RAB21: variants seen among roughly 807,000 people sequenced by gnomAD.
The protein encoded by RAB21 is ras-related protein Rab-21.
In RAB21, 13 loss-of-function variants were observed where a neutral mutation model predicts 33.1. That is an observed-to-expected ratio of 0.39 (90% CI 0.26 to 0.62). The LOEUF is 0.62. Among genes scored for constraint, RAB21 ranks in the 20% least tolerant of loss-of-function variants. RAB21 has a pLI of 0.48. For synonymous variants in RAB21, 91 were observed against 103.7 expected (o/e 0.88, Z 0.74); for missense variants, 234 against 279.1 (o/e 0.84, Z 1.15).
Position 71,786,130 on chromosome 12 carries a change from T to C in RAB21, c.*457T>C, listed in dbSNP as rs1377402744. The C allele has an allele frequency of 6.5e-6, 1 of 153,488 alleles. No homozygotes were observed. The highest frequency in any genetic ancestry group is 1.5e-5 in the Non-Finnish European group (1 of 68,754). The allele number at this position is 153,488 out of a possible 1,614,324, so 9.5% of individuals were successfully genotyped here. A position where few individuals can be genotyped will look rare whatever the true frequency, so the allele number is the denominator to read the frequency against. On this transcript the variant is annotated 3_prime_UTR_variant, in exon 7 of 7. Coordinates refer to ENST00000261263, the MANE Select transcript of RAB21 (RefSeq NM_014999.4). ...GTTAGCCAGGATGGTCTCGATCTCC[T>C]GACCTTGTGATCCGCCCGCCTCGGC...
intron 3 of RAB21, among the ~76,000 whole-genome samples, chr12:71,771,772 G>A (rs946074451): frequency 1.3e-5 from 2 of 152,056 alleles, no homozygotes; most frequent in Non-Finnish European, 2.9e-5. Flanking sequence ...TCGGGAGTTA[G>A]AGACCAGCCC....
At chr12:71,758,298 G>A (rs901931814) in intron 1 of RAB21, among the ~76,000 whole-genome samples, 2 of 152,178 alleles carry the variant, frequency 1.3e-5, no homozygotes, top group Admixed American at 6.5e-5. Context: ...CTCCCAAAGT[G>A]CTGGGATTAC....
rs1288219165 is a variant in RAB21 at position 71,793,228 on chromosome 12, G to A, written c.*7555G>A. On this transcript the variant is annotated 3_prime_UTR_variant, in exon 7 of 7. Coordinates refer to ENST00000261263, the MANE Select transcript of RAB21 (RefSeq NM_014999.4). ...AAAAAGCAATCATGTTGTTTTCTTT[G>A]CCTTTGACAGATGTGGCCTTGTCAC... 1 of 151,924 alleles carries A rather than the reference G, an allele frequency of 6.6e-6. No individual in the cohort carries two copies. The highest frequency in any genetic ancestry group is 1.5e-5 in the Non-Finnish European group (1 of 67,996). The allele number at this position is 151,924 out of a possible 1,614,324, so 9.4% of individuals were successfully genotyped here.
chr12:71,769,245 A>G (rs1055885070), intron 1 of RAB21, among the ~76,000 whole-genome samples: 4 of 152,214 alleles, frequency 2.6e-5, no homozygotes, highest in South Asian at 2.1e-4. Context: ...CATTTTAGCA[A>G]TTATCACATG....
In RAB21 at chr12:71,793,784, AT is replaced by A. The variant is rs1883421123; in HGVS notation, c.*8113del. ...TTTCTTGAAGATGGTCAGAAAGGGC[AT>A]TGTTAAAGGAAGGAGATGGTAGATT... On this transcript the variant is annotated 3_prime_UTR_variant, in exon 7 of 7. Transcript: ENST00000261263. 6.6e-6 allele frequency: 1 copy of A among 152,238 alleles called. No individual in the cohort carries two copies. The highest frequency in any genetic ancestry group is 2.1e-4 in the South Asian group (1 of 4,836). 9.4% of individuals were successfully genotyped at this position (152,238 alleles called of 1,614,324 possible).
chr12:71,786,907 G>A lies in RAB21; in HGVS notation c.*1234G>A, dbSNP rs1247654335. ...CCTTAGAAGAATTTGGGTGGCTCAT[G>A]TTGAATTTCACTTCTGCAATAGCTT... On this transcript the variant is annotated 3_prime_UTR_variant, in exon 7 of 7. Transcript: ENST00000261263. The A allele has an allele frequency of 6.6e-6, 1 of 152,214 alleles. No individual in the cohort carries two copies. The highest frequency in any genetic ancestry group is 2.4e-5 in the African/African-American group (1 of 41,466). The allele number at this position is 152,214 out of a possible 1,614,324, so 9.4% of individuals were successfully genotyped here.
At chr12:71,770,566 T>C in intron 2 of RAB21, 26 bp from the exon 3 acceptor site, 2 of 1,438,062 alleles carry the variant, frequency 1.4e-6, no homozygotes, top group Non-Finnish European at 2.0e-6. Flanking sequence ...TCTTCTGATC[T>C]AATAAGCATT....
At chr12:71,756,931 G>A (rs897755616) in intron 1 of RAB21, among the ~76,000 whole-genome samples, 9 of 152,154 alleles carry the variant, frequency 5.9e-5, no homozygotes, top group Non-Finnish European at 8.8e-5. Flanking sequence ...TAATTTTGCT[G>A]GCAGTAATAT....
intron 3 of RAB21, among the ~76,000 whole-genome samples, chr12:71,772,518 A>G (rs1883058754): frequency 6.6e-6 from 1 of 152,200 alleles, no homozygotes; most frequent in Admixed American, 6.5e-5. Flanking sequence ...TATGGGGGTA[A>G]AGAATAGATA....
At chr12:71,758,285 G>A (rs12308677) in intron 1 of RAB21, among the ~76,000 whole-genome samples, 23,718 of 151,854 alleles carry the variant, frequency 0.16, 2,324 homozygotes, top group East Asian at 0.32. Context: ...CACCTGCCTC[G>A]GCCTCCCAAA....
At chr12:71,760,370 CT>C (rs11400862) in intron 1 of RAB21, among the ~76,000 whole-genome samples, 2 of 152,036 alleles carry the variant, frequency 1.3e-5, no homozygotes, top group Non-Finnish European at 2.9e-5. Context: ...GCTCTCTTAA[CT>C]TATATAGAGT....
intron 2 of RAB21, 62 bp downstream of exon 2, chr12:71,769,921 G>A: frequency 1.2e-6 from 1 of 827,468 alleles, no homozygotes; most frequent in Non-Finnish European, 1.7e-6. Context: ...TTTTTTTAAA[G>A]TTAATTGGAG....
rs1883329552 is a variant in RAB21, at chr12:71,788,512, G to GA, written c.*2842dup. ...AGTCAACTTCAGTATATATACAAAG[G>GA]AAAGACAAAGAGATGATAAACCAAG... On this transcript the variant is annotated 3_prime_UTR_variant, in exon 7 of 7. Transcript: ENST00000261263. 1 of 152,088 alleles carries GA rather than the reference G, an allele frequency of 6.6e-6. No individual in the cohort carries two copies. The highest frequency in any genetic ancestry group is 2.1e-4 in the South Asian group (1 of 4,822). The allele number at this position is 152,088 out of a possible 1,614,324, so 9.4% of individuals were successfully genotyped here.
rs769483845 is a variant in RAB21, at chr12:71,788,973, G to T, written c.*3300G>T. The T allele has an allele frequency of 3.9e-5, 6 of 151,928 alleles. No individual in the cohort carries two copies. Among genetic ancestry groups the T allele is most frequent in the Non-Finnish European group, 8.8e-5 (6 of 67,948 alleles). The allele number at this position is 151,928 out of a possible 1,614,324, so 9.4% of individuals were successfully genotyped here. ...GGGTGTTGCCTAAGAATACCCTAAA[G>T]CTATGGCTGTTACTGCATTGAAATC... On this transcript the variant is annotated 3_prime_UTR_variant, in exon 7 of 7. Coordinates refer to ENST00000261263, the MANE Select transcript of RAB21 (RefSeq NM_014999.4).
rs1328380571 is a variant in RAB21, at chr12:71,796,117, G to A, written c.*10444G>A. 1 of 137,316 alleles carries A rather than the reference G, an allele frequency of 7.3e-6. No individual in the cohort carries two copies. The highest frequency in any genetic ancestry group is 2.9e-5 in the African/African-American group (1 of 33,940). The allele number at this position is 137,316 out of a possible 1,614,324, so 8.5% of individuals were successfully genotyped here. A position where few individuals can be genotyped will look rare whatever the true frequency, so the allele number is the denominator to read the frequency against. ...AAACAGGAAATGGACAGGAAAAGAG[G>A]CAAAGCATAGAATAGCCTCTGTGGT... On this transcript the variant is annotated 3_prime_UTR_variant, in exon 7 of 7. Transcript: ENST00000261263.
Position 71,794,010 on chromosome 12 carries a change from G to A in RAB21, c.*8337G>A, listed in dbSNP as rs1264939324. The A allele has an allele frequency of 6.6e-6, 1 of 152,058 alleles. No homozygotes were observed. The highest frequency in any genetic ancestry group is 1.5e-5 in the Non-Finnish European group (1 of 68,048). The allele number at this position is 152,058 out of a possible 1,614,324, so 9.4% of individuals were successfully genotyped here. The stretch of plus-strand genomic sequence containing the variant: ...TGGGTGGATGGATCCCTTAAACCCA[G>A]GAATTCAAGACCAGTGTAGACAACA... On this transcript the variant is annotated 3_prime_UTR_variant, in exon 7 of 7. Coordinates refer to ENST00000261263, the MANE Select transcript of RAB21 (RefSeq NM_014999.4).
rs1249014964 is a variant in RAB21 at position 71,794,437 on chromosome 12, T to A, written c.*8764T>A. On this transcript the variant is annotated 3_prime_UTR_variant, in exon 7 of 7. Transcript: ENST00000261263. ...TATATATATATATATATTTTTTTTT[T>A]TTTTTTTTTTTTTTTTTTTGAGACG... The A allele has an allele frequency of 7.7e-3, 777 of 100,838 alleles. 6 individuals are homozygous for A. Among genetic ancestry groups the A allele is most frequent in the East Asian group, 0.057 (183 of 3,186 alleles). 6.2% of individuals were successfully genotyped at this position (100,838 alleles called of 1,614,324 possible). A position where few individuals can be genotyped will look rare whatever the true frequency, so the allele number is the denominator to read the frequency against.
At chr12:71,756,651 A>G (rs557890732) in intron 1 of RAB21, among the ~76,000 whole-genome samples, 1 of 152,232 alleles carries the variant, frequency 6.6e-6, no homozygotes, top group Non-Finnish European at 1.5e-5. Context: ...AACACTGACA[A>G]AATTTTAATA....
Position 71,795,653 on chromosome 12 carries a change from A to G in RAB21, c.*9980A>G, listed in dbSNP as rs1883457763. ...TTTTTATATGCCATAATTTTTAGTA[A>G]TGCTGTCCTTGAATTCACTTACATC... On this transcript the variant is annotated 3_prime_UTR_variant, in exon 7 of 7. Coordinates refer to ENST00000261263, the MANE Select transcript of RAB21 (RefSeq NM_014999.4). 1.5e-5 allele frequency: 2 copies of G among 137,438 alleles called. No homozygotes were observed. Among genetic ancestry groups the G allele is most frequent in the African/African-American group, 2.9e-5 (1 of 34,090 alleles). The allele number at this position is 137,438 out of a possible 1,614,324, so 8.5% of individuals were successfully genotyped here. A position where few individuals can be genotyped will look rare whatever the true frequency, so the allele number is the denominator to read the frequency against.
Sources: allele counts gnomAD v4.1 joint callset (sites outside exome capture counted in the v4.1 genomes callset), GRCh38; gene constraint gnomAD v4.1.1; transcripts MANE v1.5; gene names NCBI Gene and HGNC (gene_info 2026-07-23, HGNC 2026-07-21).